The following SH3RF3 variants were observed in gnomAD, a reference collection of about 807,000 sequenced individuals.
SH3RF3 encodes the protein E3 ubiquitin-protein ligase SH3RF3.
In SH3RF3, 29 loss-of-function variants were observed where a neutral mutation model predicts 66.3. That is an observed-to-expected ratio of 0.44 (90% CI 0.33 to 0.60). SH3RF3 has a LOEUF of 0.60. Ranked by LOEUF, SH3RF3 falls within the 20% of genes least tolerant of loss-of-function variation. SH3RF3 has a pLI of 0.04. For missense variants in SH3RF3, 1,194 were observed against 1,190.9 expected (o/e 1.00, Z -0.04); for synonymous variants, 583 against 532.0 (o/e 1.10, Z -1.32).
chr2:109,161,293 G>T (rs1393069378), intron 1 of SH3RF3, among the ~76,000 whole-genome samples: 3 of 152,278 alleles, frequency 2.0e-5, no homozygotes, highest in Non-Finnish European at 4.4e-5. Context: ...TACAGAGTTA[G>T]GAGTGTGTAG....
chr2:109,167,987 A>T (rs1351658519), intron 1 of SH3RF3, among the ~76,000 whole-genome samples: 4 of 152,204 alleles, frequency 2.6e-5, no homozygotes. Context: ...GAACATAGTG[A>T]TACAAGGTGA....
intron 1 of SH3RF3, among the ~76,000 whole-genome samples, chr2:109,295,137 T>C (rs1413871146): frequency 6.6e-6 from 1 of 152,198 alleles, no homozygotes; most frequent in Non-Finnish European, 1.5e-5. Flanking sequence ...AGTGGTGTGG[T>C]ACGGAGCACC....
At chr2:109,369,317 C>T (rs1037420476) in intron 2 of SH3RF3, among the ~76,000 whole-genome samples, 3 of 152,036 alleles carry the variant, frequency 2.0e-5, no homozygotes, top group Admixed American at 2.0e-4. Flanking sequence ...CCATTGCACT[C>T]CAGTCTGGCG....
At chr2:109,283,864 G>C (rs1209694336) in intron 1 of SH3RF3, among the ~76,000 whole-genome samples, 1 of 152,212 alleles carries the variant, frequency 6.6e-6, no homozygotes, top group African/African-American at 2.4e-5. Context: ...GGATGCTGGG[G>C]AGTGAGTATT....
At position 109,139,872 on chromosome 2, in the gene SH3RF3, G is replaced by C. The variant is rs372174738; in HGVS notation, c.573+9759G>C. Among the ~76,000 whole-genome samples, 75 of 152,322 alleles carry C rather than the reference G, an allele frequency of 4.9e-4. 1 individual carries two copies. The highest frequency in any genetic ancestry group is 1.5e-3 in the African/African-American group (61 of 41,570). On this transcript the variant is annotated intron_variant, in intron 1 of 9. Transcript: ENST00000309415. ...GGCAGTTTGACATCTGGAGTCGTGT[G>C]GACAGGGGTCTACATCCAAAAGGCA...
intron 1 of SH3RF3, among the ~76,000 whole-genome samples, chr2:109,176,605 C>T (rs896586483): frequency 7.2e-5 from 11 of 152,088 alleles, no homozygotes; most frequent in Admixed American, 2.6e-4. Context: ...GGTGTGGTGG[C>T]ACATGCCTGT....
intron 1 of SH3RF3, among the ~76,000 whole-genome samples, chr2:109,316,921 G>T (rs1490726952): frequency 6.6e-6 from 1 of 152,138 alleles, no homozygotes; most frequent in Non-Finnish European, 1.5e-5. Flanking sequence ...TTTCAGACTG[G>T]CTTCTCTCTC....
At chr2:109,313,886 T>G (rs1574567448) in intron 1 of SH3RF3, among the ~76,000 whole-genome samples, 1 of 137,302 alleles carries the variant, frequency 7.3e-6, no homozygotes, top group Non-Finnish European at 1.5e-5. Flanking sequence ...AGAGTGGCAG[T>G]GGAGGAGATA....
intron 1 of SH3RF3, among the ~76,000 whole-genome samples, chr2:109,242,879 G>A (rs1306096163): frequency 1.3e-5 from 2 of 152,146 alleles, no homozygotes; most frequent in Non-Finnish European, 2.9e-5. Context: ...TTCTCACAAA[G>A]GGAACAGGCA....
chr2:109,420,072 G>A (rs1024387763), intron 5 of SH3RF3, among the ~76,000 whole-genome samples: 5 of 152,310 alleles, frequency 3.3e-5, no homozygotes, highest in African/African-American at 9.6e-5. Flanking sequence ...TTCAGCCCCC[G>A]TCCCAGGGCC....
At chr2:109,164,198 A>G (rs1677562052) in intron 1 of SH3RF3, among the ~76,000 whole-genome samples, 1 of 151,402 alleles carries the variant, frequency 6.6e-6, no homozygotes, top group Admixed American at 6.6e-5. Context: ...TTTTTTAAAG[A>G]GTTGGGGCCT....
At chr2:109,140,077 C>G (rs181416602) in intron 1 of SH3RF3, among the ~76,000 whole-genome samples, 1 of 152,334 alleles carries the variant, frequency 6.6e-6, no homozygotes, top group Non-Finnish European at 1.5e-5. Flanking sequence ...GACAGGTCTG[C>G]GGAAGGCTTT....
At chr2:109,409,763 T>C (rs4234110) in intron 4 of SH3RF3, among the ~76,000 whole-genome samples, 85,643 of 151,268 alleles carry the variant, frequency 0.57, 24,841 homozygotes, top group African/African-American at 0.66. Flanking sequence ...CTTTGCAGAA[T>C]CAAGCAGAAG....
chr2:109,441,628 G>T (rs1011874857), intron 7 of SH3RF3, among the ~76,000 whole-genome samples: 11 of 152,182 alleles, frequency 7.2e-5, no homozygotes, highest in Non-Finnish European at 1.5e-4. Context: ...ACAGAAAAAT[G>T]ATTTGAAGAA....
intron 9 of SH3RF3, among the ~76,000 whole-genome samples, chr2:109,499,620 G>A (rs1307863318): frequency 6.6e-6 from 1 of 152,168 alleles, no homozygotes; most frequent in Non-Finnish European, 1.5e-5. Context: ...AAGCATAAGG[G>A]CCGAGGGCAC....
chr2:109,215,221 C>A (rs929429520), intron 1 of SH3RF3, among the ~76,000 whole-genome samples: 2 of 152,104 alleles, frequency 1.3e-5, no homozygotes, highest in Non-Finnish European at 2.9e-5. Context: ...TGGTCCCTGC[C>A]CCCTTACTAA....
intron 1 of SH3RF3, among the ~76,000 whole-genome samples, chr2:109,304,079 C>T (rs2105404502): frequency 6.7e-6 from 1 of 148,288 alleles, no homozygotes; most frequent in Non-Finnish European, 1.5e-5. Context: ...CCAGCCTGGG[C>T]AACAGGAGCA....
At chr2:109,467,998 G>A (rs1218087798) in intron 8 of SH3RF3, among the ~76,000 whole-genome samples, 3 of 152,238 alleles carry the variant, frequency 2.0e-5, no homozygotes, top group African/African-American at 7.2e-5. Flanking sequence ...CCTCCTCAGA[G>A]CGGAAAACAT....
chr2:109,400,723 C>T (rs529265594), intron 4 of SH3RF3, among the ~76,000 whole-genome samples: 21 of 152,334 alleles, frequency 1.4e-4, no homozygotes, highest in African/African-American at 3.6e-4. Flanking sequence ...CACACACAAA[C>T]GCTGGCTCTC....
Sources: allele counts gnomAD v4.1 joint callset (sites outside exome capture counted in the v4.1 genomes callset), GRCh38; gene constraint gnomAD v4.1.1; transcripts MANE v1.5; gene names NCBI Gene and HGNC (gene_info 2026-07-23, HGNC 2026-07-21).